Variants in PIP5K1B observed in about 807,000 individuals in gnomAD.
The protein encoded by PIP5K1B is phosphatidylinositol-4-phosphate 5-kinase type 1 beta.
In PIP5K1B, 42 loss-of-function variants were observed where a neutral mutation model predicts 67.0. The ratio of observed to expected loss-of-function variants is 0.63; its 90% CI spans 0.49 to 0.81. The LOEUF (loss-of-function observed/expected upper bound fraction) is 0.81, where lower values mean the gene tolerates loss of function less well. Among genes scored for constraint, PIP5K1B ranks in the 30% least tolerant of loss-of-function variants. PIP5K1B has a pLI of 0.00. For synonymous variants in PIP5K1B, 214 were observed against 231.4 expected (o/e 0.92, Z 0.68); for missense variants, 459 against 646.3 (o/e 0.71, Z 3.14).
At chr9:68,993,592 A>C (rs1266243030) in intron 15 of PIP5K1B, among the ~76,000 whole-genome samples, 10 of 152,202 alleles carry the variant, frequency 6.6e-5, no homozygotes. Flanking sequence ...CAGATCACAA[A>C]ATCCTTACAG....
chr9:68,934,248 A>T (rs1456989585), intron 12 of PIP5K1B, among the ~76,000 whole-genome samples: 3 of 152,246 alleles, frequency 2.0e-5, no homozygotes, highest in Admixed American at 2.0e-4. Flanking sequence ...TCAGGTTCCC[A>T]ACACACTTCT....
chr9:68,847,189 C>T (rs931036012), intron 4 of PIP5K1B, among the ~76,000 whole-genome samples: 1 of 151,864 alleles, frequency 6.6e-6, no homozygotes, highest in Non-Finnish European at 1.5e-5. Context: ...TATTTCCCCT[C>T]CTTAGCTAAA....
intron 8 of PIP5K1B, among the ~76,000 whole-genome samples, chr9:68,902,582 T>A (rs1662573983): frequency 6.6e-6 from 1 of 152,242 alleles, no homozygotes; most frequent in African/African-American, 2.4e-5. Context: ...ATTTGTATAC[T>A]GGCTTTTGCG....
At chr9:68,853,536 T>C (rs943309544) in intron 4 of PIP5K1B, among the ~76,000 whole-genome samples, 5 of 152,114 alleles carry the variant, frequency 3.3e-5, no homozygotes, top group African/African-American at 1.2e-4. Flanking sequence ...TAGACTATAG[T>C]ATTTTTCTGA....
At chr9:68,978,777 T>C (rs927699592) in intron 14 of PIP5K1B, among the ~76,000 whole-genome samples, 17 of 152,200 alleles carry the variant, frequency 1.1e-4, no homozygotes, top group Non-Finnish European at 2.5e-4. Flanking sequence ...TTGAAAAATA[T>C]GTACCCAAGT....
At chr9:68,976,390 C>G (rs766584831) in intron 14 of PIP5K1B, among the ~76,000 whole-genome samples, 1 of 152,180 alleles carries the variant, frequency 6.6e-6, no homozygotes, top group Admixed American at 6.5e-5. Context: ...AATCCAAACT[C>G]CTGATTTTTA....
At chr9:68,981,636 C>G (rs1829885196) in intron 14 of PIP5K1B, among the ~76,000 whole-genome samples, 1 of 152,134 alleles carries the variant, frequency 6.6e-6, no homozygotes, top group Non-Finnish European at 1.5e-5. Context: ...GTTCCCTCAA[C>G]AAATGCTCTC....
intron 14 of PIP5K1B, among the ~76,000 whole-genome samples, chr9:68,985,254 CT>C (rs749017407): frequency 0.023 from 3,157 of 140,108 alleles, 62 homozygotes; most frequent in African/African-American, 0.07. Flanking sequence ...ATCTCTTCTT[CT>C]TTTTTTTTTT....
chr9:68,827,349 T>C (rs1323646918), intron 4 of PIP5K1B, among the ~76,000 whole-genome samples: 1 of 152,256 alleles, frequency 6.6e-6, no homozygotes, highest in African/African-American at 2.4e-5. Flanking sequence ...GGAAATGTTC[T>C]ATAATTTGCA....
At position 68,927,720 on chromosome 9, in the gene PIP5K1B, CT is replaced by C. The variant is rs370312076; in HGVS notation, c.1201+4340del. Among the ~76,000 whole-genome samples, 122 of 152,158 alleles carry C rather than the reference CT, an allele frequency of 8.0e-4. No individual in the cohort carries two copies. In the East Asian group the frequency reaches 0.02, roughly 25 times the overall value. On this transcript the variant is annotated intron_variant, in intron 12 of 15. Coordinates refer to ENST00000265382, the MANE Select transcript of PIP5K1B (RefSeq NM_003558.4). ...TTCCATTCTGTGGGTTGTCTTTTTA[CT>C]TTTTTGATAGTGTCTTTTGAAGCAC...
intron 8 of PIP5K1B, among the ~76,000 whole-genome samples, chr9:68,904,731 G>A (rs768999044): frequency 5.3e-5 from 8 of 149,986 alleles, no homozygotes; most frequent in South Asian, 4.2e-4. Flanking sequence ...CTACAGAAAC[G>A]GAAGGATTAT....
chr9:69,008,334 T>G, intron 15 of PIP5K1B, 113 bp from the exon 16 acceptor site: 2 of 924,286 alleles, frequency 2.2e-6, no homozygotes. Flanking sequence ...TGCACCCCAT[T>G]TTCCAGACAC....
chr9:68,996,911 T>A (rs1038343794), intron 15 of PIP5K1B, among the ~76,000 whole-genome samples: 1 of 152,216 alleles, frequency 6.6e-6, no homozygotes, highest in Admixed American at 6.5e-5. Context: ...CCTTACACTT[T>A]CCATATTAAC....
In PIP5K1B at chr9:68,948,428, C is replaced by T. The variant is rs117081206; in HGVS notation, c.1502+7638C>T. Among the ~76,000 whole-genome samples the T allele has an allele frequency of 6.1e-3, 932 of 152,138 alleles. 5 individuals carry two copies. Among genetic ancestry groups the T allele is most frequent in the Non-Finnish European group, 0.011 (735 of 67,984 alleles). On this transcript the variant is annotated intron_variant, in intron 14 of 15. Coordinates refer to ENST00000265382, the MANE Select transcript of PIP5K1B (RefSeq NM_003558.4). ...GGAAGATCTCTTGAGCCCAGGAGTTCGAGACCAACCTGGGCAGCTTAGCAA... is the reference window on the plus strand; with the variant it reads ...GGAAGATCTCTTGAGCCCAGGAGTTTGAGACCAACCTGGGCAGCTTAGCAA...
At chr9:68,861,535 G>T (rs753412222) in intron 4 of PIP5K1B, among the ~76,000 whole-genome samples, 1 of 152,192 alleles carries the variant, frequency 6.6e-6, no homozygotes, top group African/African-American at 2.4e-5. Flanking sequence ...TGATGTTATC[G>T]TGGTGGTTTT....
chr9:68,711,645 G>A (rs7038419), intron 1 of PIP5K1B, among the ~76,000 whole-genome samples: 152,306 of 152,374 alleles, frequency 1, 76,119 homozygotes, highest in Middle Eastern at 1. Context: ...TCTGATAGAT[G>A]CTAATGTTGA....
chr9:68,934,954 G>T lies in PIP5K1B; in HGVS notation c.1266G>T (p.Gln422His). ...NSIAALKATS[Q>H]EIVSSISQEW... is the part of the protein sequence containing the mutation. The stretch of plus-strand genomic sequence containing the variant: ...TCGCCGCCCTAAAGGCCACTTCACA[G>T]GAGATTGTGTCCTCAATTAGCCAGG... The change falls in exon 13 of 16, where the codon CAG becomes CAT. Residue 422 changes from glutamine (Q) to histidine (H), a missense_variant. Around this residue, in one of 2 missense-constraint regions of PIP5K1B, gnomAD observed 169 missense variants for 171.9 expected, o/e 0.98. Coordinates refer to ENST00000265382, the MANE Select transcript of PIP5K1B (RefSeq NM_003558.4). The T allele has an allele frequency of 6.2e-7, 1 of 1,613,756 alleles. No individual in the cohort carries two copies.
intron 2 of PIP5K1B, among the ~76,000 whole-genome samples, chr9:68,761,401 T>A (rs1018990404): frequency 6.6e-6 from 1 of 152,126 alleles, no homozygotes; most frequent in African/African-American, 2.4e-5. Context: ...ATTACAGAAA[T>A]AATTTATTTC....
chr9:68,924,852 GA>G lies in PIP5K1B; in HGVS notation c.1201+1475del, dbSNP rs149515791. Among the ~76,000 whole-genome samples the G allele has an allele frequency of 2.5e-3, 377 of 149,966 alleles. 1 individual carries two copies. The highest frequency in any genetic ancestry group is 0.014 in the East Asian group (70 of 5,134). On this transcript the variant is annotated intron_variant, in intron 12 of 15. Coordinates refer to ENST00000265382, the MANE Select transcript of PIP5K1B (RefSeq NM_003558.4). Reference sequence around the variant, plus strand: ...AACATTTTGGAAAATACAAGAAGATGAAAAAAAAATGAAAATTCTTGAAATG... The same window carrying G: ...AACATTTTGGAAAATACAAGAAGATGAAAAAAAATGAAAATTCTTGAAATG...
Sources: gnomAD v4.1 joint callset for allele counts (sites outside exome capture counted in the v4.1 genomes callset) on GRCh38, gnomAD v4.1.1 for gene constraint, gnomAD v4.1.1 regional missense constraint, MANE v1.5 for transcripts, NCBI Gene and HGNC (gene_info 2026-07-23, HGNC 2026-07-21) for gene names.